ABCA12: variants seen among roughly 807,000 people sequenced by gnomAD.
The protein encoded by ABCA12 is glucosylceramide transporter ABCA12.
A neutral mutation model predicts 293.5 loss-of-function variants in ABCA12; 156 were observed. That is an observed-to-expected ratio of 0.53 (90% CI 0.47 to 0.61). ABCA12 has a LOEUF of 0.61. Ranked by LOEUF, ABCA12 falls within the 20% of genes least tolerant of loss-of-function variation. The probability of loss-of-function intolerance (pLI) is 0.00; values close to 1 mark genes in which losing one functional copy is unlikely to be tolerated. For missense variants in ABCA12, 2,797 were observed against 3,090.2 expected (o/e 0.91, Z 2.25); for synonymous variants, 1,063 against 1,108.0 (o/e 0.96, Z 0.81).
chr2:215,056,901 T>A (rs1201638163), intron 3 of ABCA12, among the ~76,000 whole-genome samples: 1 of 152,112 alleles, frequency 6.6e-6, no homozygotes, highest in African/African-American at 2.4e-5. Context: ...AAGCACTACA[T>A]GCTTCTTAGA....
chr2:215,054,635 T>C lies in ABCA12; in HGVS notation c.347A>G (p.Asp116Gly), dbSNP rs767061614. ...SEILRKSSNLDKDSSLSFQST... is the reference protein window; with the variant it reads ...SEILRKSSNLGKDSSLSFQST... Reference sequence around the variant, plus strand: ...CTGGAATGATAAACTGCTGTCCTTATCCAGGTTGGATGACTTTCTCAGAAT... The same window carrying C: ...CTGGAATGATAAACTGCTGTCCTTACCCAGGTTGGATGACTTTCTCAGAAT... The change falls in exon 4 of 53, where the codon GAT (aspartate) becomes GGT (glycine). Residue 116 changes from aspartate (D) to glycine (G), a missense_variant. Asp to Gly is a moderately conservative substitution (Grantham distance 94, BLOSUM62 -1). Coordinates refer to ENST00000272895, the MANE Select transcript of ABCA12 (RefSeq NM_173076.3). 2 of 1,611,990 alleles carry C rather than the reference T, an allele frequency of 1.2e-6. No homozygotes were observed. The highest frequency in any genetic ancestry group is 1.7e-5 in the Admixed American group (1 of 59,916).
intron 33 of ABCA12, among the ~76,000 whole-genome samples, chr2:214,977,228 A>G (rs1293779955): frequency 6.6e-6 from 1 of 152,228 alleles, no homozygotes; most frequent in Non-Finnish European, 1.5e-5. Flanking sequence ...GATAATGTCA[A>G]TGAAGGGAAC....
At chr2:215,127,429 C>CATTTCTT (rs1257977530) in intron 1 of ABCA12, among the ~76,000 whole-genome samples, 1 of 152,134 alleles carries the variant, frequency 6.6e-6, no homozygotes. Flanking sequence ...CTGCCTATCT[C>CATTTCTT]ATTTCTTATG....
intron 23 of ABCA12, among the ~76,000 whole-genome samples, chr2:214,995,117 CTT>C (rs1233799265): frequency 3.3e-5 from 5 of 152,100 alleles, no homozygotes; most frequent in Non-Finnish European, 7.3e-5. Flanking sequence ...CTTTAATAAA[CTT>C]ATTAGATTTG....
At chr2:215,130,012 C>A (rs1026153088) in intron 1 of ABCA12, among the ~76,000 whole-genome samples, 4 of 151,980 alleles carry the variant, frequency 2.6e-5, no homozygotes, top group African/African-American at 9.7e-5. Flanking sequence ...TTTTTGTTAG[C>A]CTTATTGAAG....
intron 1 of ABCA12, among the ~76,000 whole-genome samples, chr2:215,113,383 T>C (rs1203699360): frequency 6.6e-6 from 1 of 152,220 alleles, no homozygotes; most frequent in Non-Finnish European, 1.5e-5. Flanking sequence ...CCATAAAGAC[T>C]GAACAACTTA....
intron 26 of ABCA12, among the ~76,000 whole-genome samples, chr2:214,988,094 A>G (rs1699826948): frequency 6.6e-6 from 1 of 152,148 alleles, no homozygotes; most frequent in Non-Finnish European, 1.5e-5. Flanking sequence ...TTTTACAGTG[A>G]TAAGACTAGT....
intron 4 of ABCA12, among the ~76,000 whole-genome samples, chr2:215,052,859 T>C (rs1030371535): frequency 3.3e-5 from 5 of 152,138 alleles, no homozygotes; most frequent in Admixed American, 1.3e-4. Context: ...GACATTAAAC[T>C]TCATCACCAA....
intron 1 of ABCA12, among the ~76,000 whole-genome samples, chr2:215,118,020 T>C (rs189504024): frequency 8.4e-4 from 128 of 152,316 alleles, no homozygotes; most frequent in Non-Finnish European, 1.7e-3. Context: ...ATGGTGTACT[T>C]TACCTATCAC....
intron 1 of ABCA12, among the ~76,000 whole-genome samples, chr2:215,127,333 C>A (rs1310692281): frequency 6.6e-6 from 1 of 152,124 alleles, no homozygotes; most frequent in East Asian, 1.9e-4. Flanking sequence ...ATAGTCTAAT[C>A]CTTTGTTTCT....
At chr2:215,094,218 TTAATG>T (rs1702204990) in intron 2 of ABCA12, among the ~76,000 whole-genome samples, 1 of 152,218 alleles carries the variant, frequency 6.6e-6, no homozygotes, top group Non-Finnish European at 1.5e-5. Flanking sequence ...TCCTCCTTTA[TTAATG>T]CCTCTTTAAT....
chr2:215,072,921 C>T (rs1327829176), intron 2 of ABCA12, among the ~76,000 whole-genome samples: 1 of 152,126 alleles, frequency 6.6e-6, no homozygotes, highest in Non-Finnish European at 1.5e-5. Context: ...ATGGTGAAAC[C>T]CTGTCTCTAC....
intron 2 of ABCA12, among the ~76,000 whole-genome samples, chr2:215,085,065 G>T (rs1365013679): frequency 7.3e-6 from 1 of 137,176 alleles, no homozygotes; most frequent in Non-Finnish European, 1.5e-5. Context: ...CTGCACTCCA[G>T]CCTGGGCAAC....
At chr2:215,012,161 T>C (rs1700392310) in intron 15 of ABCA12, 26 bp from the exon 16 acceptor site, 1 of 1,610,060 alleles carries the variant, frequency 6.2e-7, no homozygotes, top group Non-Finnish European at 8.5e-7. Flanking sequence ...TAAAAATAAA[T>C]GCTTTATGTG....
rs531623691 is a variant in ABCA12, at chr2:215,036,526, A to C, written c.985+427T>G. On this transcript the variant is annotated intron_variant, in intron 8 of 52. Coordinates refer to ENST00000272895, the MANE Select transcript of ABCA12 (RefSeq NM_173076.3). Reference sequence around the variant, plus strand: ...GACAGTACCATTCTAGATATGCCAAAGGGACATTTTGTGACTCACTACCAA... The same window carrying C: ...GACAGTACCATTCTAGATATGCCAACGGGACATTTTGTGACTCACTACCAA... Among the ~76,000 whole-genome samples the C allele has an allele frequency of 7.9e-5, 12 of 152,298 alleles. No homozygotes were observed. The South Asian group carries it at 1.0e-3, about 13-fold the overall frequency.
intron 49 of ABCA12, among the ~76,000 whole-genome samples, chr2:214,944,608 G>A (rs1261621284): frequency 6.6e-6 from 1 of 151,784 alleles, no homozygotes; most frequent in Non-Finnish European, 1.5e-5. Context: ...GGAGAGCCTT[G>A]CATGTTGAGC....
intron 1 of ABCA12, among the ~76,000 whole-genome samples, chr2:215,131,921 C>T (rs1471315677): frequency 1.3e-5 from 2 of 151,704 alleles, no homozygotes; most frequent in Admixed American, 6.6e-5. Flanking sequence ...ATCCTAGGAG[C>T]TTTGGTATGC....
chr2:215,015,639 G>A lies in ABCA12; in HGVS notation c.1807C>T (p.His603Tyr). The change falls in exon 15 of 53, where the codon CAT becomes TAT. Residue 603 changes from histidine to tyrosine, a missense_variant. Around this residue, in one of 3 missense-constraint regions of ABCA12, gnomAD observed 2,130 missense variants for 2,427.0 expected, o/e 0.88. Transcript: ENST00000272895. ...GTGGTGATATTAGTATCACAGGAAT[G>A]CAGCCAGAACACCTGAGAAATAATC... ...AEIISQVFWL[H>Y]SCDTNITTPK... is the part of the protein sequence containing the mutation. 6.2e-7 allele frequency: 1 copy of A among 1,614,026 alleles called. No individual in the cohort carries two copies. Among genetic ancestry groups the A allele is most frequent in the Non-Finnish European group, 8.5e-7 (1 of 1,179,932 alleles).
At chr2:215,008,561 G>T (rs939436245) in intron 18 of ABCA12, among the ~76,000 whole-genome samples, 2 of 152,098 alleles carry the variant, frequency 1.3e-5, no homozygotes, top group African/African-American at 4.8e-5. Context: ...ATTCTTGTAT[G>T]AGAAAAACTA....
Sources: allele counts gnomAD v4.1 joint callset (sites outside exome capture counted in the v4.1 genomes callset), GRCh38; gene constraint gnomAD v4.1.1; regional missense constraint gnomAD v4.1.1; transcripts MANE v1.5; gene names NCBI Gene and HGNC (gene_info 2026-07-23, HGNC 2026-07-21).